Variants in SCP2 observed in about 807,000 individuals in gnomAD.
SCP2 encodes the protein SCP-2/3-oxoacyl-CoA thiolase.
A neutral mutation model predicts 71.4 loss-of-function variants in SCP2; 48 were observed. That is an observed-to-expected ratio of 0.67 (90% CI 0.53 to 0.86). The LOEUF is 0.86. Among genes scored for constraint, SCP2 ranks in the 40% least tolerant of loss-of-function variants. The probability of loss-of-function intolerance (pLI) is 0.00; values close to 1 mark genes in which losing one functional copy is unlikely to be tolerated. For missense variants in SCP2, 560 were observed against 655.6 expected, an observed-to-expected ratio of 0.85 and a Z score of 1.59; for synonymous variants, 220 against 218.1, an observed-to-expected ratio of 1.01 and a Z score of -0.08.
At chr1:52,987,493 T>C (rs1659104412) in intron 10 of SCP2, among the ~76,000 whole-genome samples, 1 of 152,192 alleles carries the variant, frequency 6.6e-6, no homozygotes, top group African/African-American at 2.4e-5. Flanking sequence ...GACCAGGAAA[T>C]TGACAGGAAC....
At chr1:52,978,953 G>A (rs1658226593) in intron 9 of SCP2, among the ~76,000 whole-genome samples, 1 of 152,134 alleles carries the variant, frequency 6.6e-6, no homozygotes, top group Non-Finnish European at 1.5e-5. Flanking sequence ...TAAAAAAGAT[G>A]AAAATTCAGA....
Position 52,978,378 on chromosome 1 carries a change from G to C in SCP2, c.825+11G>C. On this transcript the variant is annotated intron_variant, in intron 9 of 15. Transcript: ENST00000371514. ...AGCATTATTAAAATGGTATGTCTGA[G>C]ATTCTATTTGTTATTTTTATTTTTA... is the stretch of plus-strand genomic sequence containing the variant. The C allele has an allele frequency of 6.2e-7, 1 of 1,602,722 alleles. No homozygotes were observed. Among genetic ancestry groups the C allele is most frequent in the Non-Finnish European group, 8.5e-7 (1 of 1,169,822 alleles).
rs71044449 is a variant in SCP2 at position 53,013,882 on chromosome 1, C to CTTTTTTT, written c.1082-983_1082-977dup. Among the ~76,000 whole-genome samples the CTTTTTTT allele has an allele frequency of 7.3e-4, 46 of 63,072 alleles. 5 individuals are homozygous for CTTTTTTT. The highest frequency in any genetic ancestry group is 3.8e-3 in the East Asian group (6 of 1,568). The allele number at this position is 63,072 out of a possible 152,430, so 41.4% of individuals were successfully genotyped here. On this transcript the variant is annotated intron_variant, in intron 11 of 15. Transcript: ENST00000371514. ...GACCAGTCTGCCCTGATAGAACATT[C>CTTTTTTT]TTTTTTTTTTTTTTTTTTTTTTTTT...
intron 6 of SCP2, among the ~76,000 whole-genome samples, chr1:52,968,726 A>T (rs1657192755): frequency 6.6e-6 from 1 of 152,130 alleles, no homozygotes; most frequent in South Asian, 2.1e-4. Context: ...GACATTTTAT[A>T]TAAATGTACA....
intron 6 of SCP2, among the ~76,000 whole-genome samples, chr1:52,967,165 G>A (rs1381006795): frequency 6.6e-6 from 1 of 152,054 alleles, no homozygotes; most frequent in Admixed American, 6.6e-5. Context: ...ACTCCACCCT[G>A]GGCAACAGAC....
chr1:53,025,416 C>G (rs1662053359), intron 12 of SCP2, among the ~76,000 whole-genome samples: 1 of 152,184 alleles, frequency 6.6e-6, no homozygotes, highest in Non-Finnish European at 1.5e-5. Context: ...AGCTGGCCCT[C>G]TCCACTGAGC....
intron 11 of SCP2, among the ~76,000 whole-genome samples, chr1:52,990,733 CAAAAAAAAAAAAAA>C (rs61221989): frequency 1.6e-5 from 1 of 62,408 alleles, no homozygotes; most frequent in African/African-American, 5.0e-5. Context: ...GACTCCGTCT[CAAAAAAAAAAAAAA>C]AAAAAAAAAA....
At chr1:52,956,219 G>A (rs756677587) in intron 5 of SCP2, among the ~76,000 whole-genome samples, 14 of 152,234 alleles carry the variant, frequency 9.2e-5, no homozygotes, top group African/African-American at 3.4e-4. Context: ...CAGGAGAATC[G>A]CCTGAGCCCA....
chr1:52,974,413 G>C (rs1657765133), intron 6 of SCP2, among the ~76,000 whole-genome samples: 1 of 152,128 alleles, frequency 6.6e-6, no homozygotes, highest in Admixed American at 6.5e-5. Flanking sequence ...AATTCTCTCA[G>C]TCTAGCGTAC....
At chr1:52,928,872 A>C (rs1652826932) in intron 1 of SCP2, 1 of 154,444 alleles carries the variant, frequency 6.5e-6, no homozygotes, top group African/African-American at 2.4e-5. Context: ...GAGGCTTCTA[A>C]CACAGGTGGA....
intron 2 of SCP2, 40 bp from the exon 3 acceptor site, chr1:52,947,969 A>G: frequency 7.1e-7 from 1 of 1,399,250 alleles, no homozygotes; most frequent in Non-Finnish European, 1.0e-6. Flanking sequence ...TAAAACAAAT[A>G]CTTAAAGCAC....
rs1330538136 is a variant in SCP2, at chr1:52,947,062, A to G, written c.128-947A>G. On this transcript the variant is annotated intron_variant, in intron 2 of 15. Transcript: ENST00000371514. The stretch of plus-strand genomic sequence containing the variant: ...GGCGACAGAGCAAGACTCTGTCTCG[A>G]AAAAAAAAAAAAAAAAACGGAAAAT... Among the ~76,000 whole-genome samples, 839 of 123,766 alleles carry G rather than the reference A, an allele frequency of 6.8e-3. 13 individuals are homozygous for G. Among genetic ancestry groups the G allele is most frequent in the African/African-American group, 0.023 (799 of 34,126 alleles). 81.2% of individuals were successfully genotyped at this position (123,766 alleles called of 152,430 possible). A position where few individuals can be genotyped will look rare whatever the true frequency, so the allele number is the denominator to read the frequency against.
At position 53,038,942 on chromosome 1, in the gene SCP2, T is replaced by C; in HGVS notation, c.1364T>C (p.Ile455Thr). ...EEEGEQFVKK[I>T]GGIFAFKVKD... is the part of the protein sequence containing the mutation. ...GAAGGGGAACAGTTTGTGAAGAAAA[T>C]CGGTGGTATTTTTGCCTTCAAGGTG... The change falls in exon 14 of 16, where the codon ATC becomes ACC. Residue 455 changes from isoleucine to threonine, a missense_variant. Physicochemically the swap from Ile to Thr is moderately conservative, Grantham distance 89. Coordinates refer to ENST00000371514, the MANE Select transcript of SCP2 (RefSeq NM_002979.5). 1 of 1,613,884 alleles carries C rather than the reference T, an allele frequency of 6.2e-7. No homozygotes were observed. The highest frequency in any genetic ancestry group is 2.2e-5 in the East Asian group (1 of 44,874).
At chr1:52,935,450 C>T (rs560878076) in intron 1 of SCP2, among the ~76,000 whole-genome samples, 3 of 149,704 alleles carry the variant, frequency 2.0e-5, no homozygotes, top group Admixed American at 6.7e-5. Context: ...ATTAGCCAGG[C>T]GTGGTGGTGG....
chr1:52,945,743 T>C lies in SCP2; in HGVS notation c.128-2266T>C, dbSNP rs541494594. On this transcript the variant is annotated intron_variant, in intron 2 of 15. Transcript: ENST00000371514. ...TGGAAAAGAATGTTTAAGTTGTGCA[T>C]AATATATATATATATATGCCATTAT... Among the ~76,000 whole-genome samples the C allele has an allele frequency of 1.5e-4, 21 of 142,606 alleles. No homozygotes were observed. The South Asian group carries it at 2.3e-3, about 16-fold the overall frequency. 93.6% of individuals were successfully genotyped at this position (142,606 alleles called of 152,430 possible). A position where few individuals can be genotyped will look rare whatever the true frequency, so the allele number is the denominator to read the frequency against.
chr1:53,017,243 T>A (rs778051767), intron 12 of SCP2, among the ~76,000 whole-genome samples: 3 of 152,226 alleles, frequency 2.0e-5, no homozygotes, highest in Non-Finnish European at 4.4e-5. Flanking sequence ...AAATTCATTC[T>A]TTGTATTATA....
At chr1:52,960,933 A>G (rs1437658057) in intron 5 of SCP2, among the ~76,000 whole-genome samples, 1 of 151,460 alleles carries the variant, frequency 6.6e-6, no homozygotes, top group African/African-American at 2.4e-5. Flanking sequence ...ATGTATTTTT[A>G]GTAGAGATAG....
At chr1:53,007,157 A>T (rs1483468307) in intron 11 of SCP2, among the ~76,000 whole-genome samples, 1 of 152,114 alleles carries the variant, frequency 6.6e-6, no homozygotes, top group Non-Finnish European at 1.5e-5. Flanking sequence ...TACAAAGAGA[A>T]TTAGACTCCC....
At chr1:52,982,028 G>A (rs1485683003) in intron 10 of SCP2, among the ~76,000 whole-genome samples, 2 of 151,494 alleles carry the variant, frequency 1.3e-5, no homozygotes, top group Admixed American at 1.3e-4. Flanking sequence ...CTTATCGATT[G>A]TTTTTTTCAC....
Sources: allele counts gnomAD v4.1 joint callset (sites outside exome capture counted in the v4.1 genomes callset), GRCh38; gene constraint gnomAD v4.1.1; transcripts MANE v1.5; gene names NCBI Gene and HGNC (gene_info 2026-07-23, HGNC 2026-07-21).